Variants in DOK6 observed in about 807,000 individuals in gnomAD.
The protein encoded by DOK6 is downstream of tyrosine kinase 6.
In DOK6, 22 loss-of-function variants were observed where a neutral mutation model predicts 44.0. The observed-to-expected ratio is 0.50, with a 90% CI of 0.36 to 0.71. The LOEUF (loss-of-function observed/expected upper bound fraction) is 0.71. Ranked by LOEUF, DOK6 falls within the 30% of genes least tolerant of loss-of-function variation. DOK6 has a pLI of 0.00. For missense variants in DOK6, 340 were observed against 416.4 expected (o/e 0.82, Z 1.60); for synonymous variants, 166 against 145.5 (o/e 1.14, Z -1.01).
chr18:69,739,120 G>C lies in DOK6; in HGVS notation c.738+17G>C. The stretch of plus-strand genomic sequence containing the variant: ...AAGGCCCGGGTAAGGCCCCTTCCTT[G>C]GTAACCTATCAGCTTGGAAATGAAT... On this transcript the variant is annotated intron_variant, in intron 6 of 7. Transcript: ENST00000382713. 6.2e-7 allele frequency: 1 copy of C among 1,613,138 alleles called. No individual in the cohort carries two copies. The highest frequency in any genetic ancestry group is 8.5e-7 in the Non-Finnish European group (1 of 1,179,440).
intron 3 of DOK6, among the ~76,000 whole-genome samples, chr18:69,603,723 A>G (rs1350854913): frequency 6.9e-6 from 1 of 144,698 alleles, no homozygotes; most frequent in Non-Finnish European, 1.5e-5. Context: ...GTGAGCCGAG[A>G]TCGCGCCACT....
intron 7 of DOK6, among the ~76,000 whole-genome samples, chr18:69,817,259 T>C (rs1023744): frequency 0.12 from 18,196 of 152,172 alleles, 1,113 homozygotes; most frequent in East Asian, 0.17. Context: ...ATTTCAGATA[T>C]GTTTCAACTT....
At chr18:69,691,489 C>T (rs1986267225) in intron 4 of DOK6, among the ~76,000 whole-genome samples, 1 of 152,144 alleles carries the variant, frequency 6.6e-6, no homozygotes, top group Non-Finnish European at 1.5e-5. Context: ...GCTGGTAGAA[C>T]TGTAGAATCA....
rs538131024 is a variant in DOK6, at chr18:69,550,830, C to G, written c.67-13657C>G. Among the ~76,000 whole-genome samples the G allele has an allele frequency of 2.2e-5, 3 of 134,754 alleles. No homozygotes were observed. The Admixed American group carries it at 2.4e-4, about 11-fold the overall frequency. The allele number at this position is 134,754 out of a possible 152,430, so 88.4% of individuals were successfully genotyped here. A position where few individuals can be genotyped will look rare whatever the true frequency, so the allele number is the denominator to read the frequency against. ...AGACGGTCTTACTCCCTCACCCAGT[C>G]TGGAGTGCAGAGGCACGATCTTGGC... On this transcript the variant is annotated intron_variant, in intron 1 of 7. Coordinates refer to ENST00000382713, the MANE Select transcript of DOK6 (RefSeq NM_152721.6).
rs1675810259 is a variant in DOK6, at chr18:69,828,986, T to C, written c.857-12258T>C. The stretch of plus-strand genomic sequence containing the variant: ...TAACATTTGGGTAATAGAATGTTTT[T>C]TAATTCTGTAAATCTCAAAGATGAG... On this transcript the variant is annotated intron_variant, in intron 7 of 7. Coordinates refer to ENST00000382713, the MANE Select transcript of DOK6 (RefSeq NM_152721.6). Among the ~76,000 whole-genome samples the C allele has an allele frequency of 2.0e-5, 3 of 148,742 alleles. No homozygotes were observed. In the Admixed American group the frequency reaches 2.0e-4, roughly 10 times the overall value.
chr18:69,710,747 C>T (rs777676722), intron 5 of DOK6, among the ~76,000 whole-genome samples: 1 of 152,098 alleles, frequency 6.6e-6, no homozygotes, highest in Non-Finnish European at 1.5e-5. Context: ...TAATGTAGTC[C>T]ATCATAAGAT....
At chr18:69,617,666 A>G (rs56173701) in intron 3 of DOK6, among the ~76,000 whole-genome samples, 74,676 of 141,438 alleles carry the variant, frequency 0.53, 20,693 homozygotes, top group South Asian at 0.65. Flanking sequence ...AAGAGCGATA[A>G]GAGAAAAGAA....
chr18:69,619,169 C>T (rs1417898275), intron 3 of DOK6, among the ~76,000 whole-genome samples: 2 of 152,174 alleles, frequency 1.3e-5, no homozygotes, highest in African/African-American at 2.4e-5. Context: ...AGCCTGGGCT[C>T]ACCCCAGAAG....
intron 6 of DOK6, among the ~76,000 whole-genome samples, chr18:69,744,243 G>T (rs992696935): frequency 6.6e-6 from 1 of 151,830 alleles, no homozygotes; most frequent in African/African-American, 2.4e-5. Flanking sequence ...CCGGGAGGCG[G>T]AGGTTGCAGT....
At chr18:69,533,280 T>C (rs569371611) in intron 1 of DOK6, among the ~76,000 whole-genome samples, 1 of 152,282 alleles carries the variant, frequency 6.6e-6, no homozygotes, top group Non-Finnish European at 1.5e-5. Flanking sequence ...CAGTATTAAT[T>C]CAAAATTAGT....
intron 7 of DOK6, among the ~76,000 whole-genome samples, chr18:69,811,161 A>G (rs1232115918): frequency 6.6e-6 from 1 of 152,054 alleles, no homozygotes; most frequent in South Asian, 2.1e-4. Flanking sequence ...TACAACATGG[A>G]TGAACCTGGA....
rs1477171901 is a variant in DOK6, at chr18:69,841,563, CTTTA to C, written c.*187_*190del. The C allele has an allele frequency of 5.6e-6, 4 of 708,712 alleles. No homozygotes were observed. Among genetic ancestry groups the C allele is most frequent in the Non-Finnish European group, 8.6e-6 (4 of 467,024 alleles). 43.9% of individuals were successfully genotyped at this position (708,712 alleles called of 1,614,324 possible). ...GCTTCCTTGATTCAGTGGCTAAGTC[CTTTA>C]TTTATTGAATTTCTTTGGGGGAATC... is the stretch of plus-strand genomic sequence containing the variant. On this transcript the variant is annotated 3_prime_UTR_variant, in exon 8 of 8. Coordinates refer to ENST00000382713, the MANE Select transcript of DOK6 (RefSeq NM_152721.6).
chr18:69,597,585 AT>A (rs1465697887), intron 2 of DOK6, among the ~76,000 whole-genome samples: 1 of 152,196 alleles, frequency 6.6e-6, no homozygotes, highest in African/African-American at 2.4e-5. Context: ...TTGGGGAGCC[AT>A]TTTTAAAAGT....
At chr18:69,650,015 A>G (rs1275287643) in intron 3 of DOK6, among the ~76,000 whole-genome samples, 1 of 152,072 alleles carries the variant, frequency 6.6e-6, no homozygotes, top group Non-Finnish European at 1.5e-5. Context: ...TAGACAGCCA[A>G]AAATCACCAC....
chr18:69,679,127 T>G (rs12607281), intron 4 of DOK6, among the ~76,000 whole-genome samples: 66,279 of 151,972 alleles, frequency 0.44, 15,039 homozygotes, highest in East Asian at 0.74. Context: ...AGTGAGCCAA[T>G]ATTGGGCCAC....
At chr18:69,451,323 A>G (rs1312649305) in intron 1 of DOK6, among the ~76,000 whole-genome samples, 1 of 102,550 alleles carries the variant, frequency 9.8e-6, no homozygotes, top group African/African-American at 3.9e-5. Flanking sequence ...GAAGGCCATT[A>G]CATAATGGTA....
chr18:69,564,682 G>A, intron 2 of DOK6, 88 bp downstream of exon 2: 2 of 1,038,226 alleles, frequency 1.9e-6, no homozygotes, highest in East Asian at 2.7e-5. Flanking sequence ...AATCTTCAGT[G>A]GCAAAAATTA....
At chr18:69,753,851 GAATC>G (rs1217220845) in intron 6 of DOK6, among the ~76,000 whole-genome samples, 3 of 151,550 alleles carry the variant, frequency 2.0e-5, no homozygotes, top group Non-Finnish European at 4.4e-5. Context: ...TCCACTGAAA[GAATC>G]AATACAGCAG....
chr18:69,401,478 C>G (rs1285056619), intron 1 of DOK6, among the ~76,000 whole-genome samples, 168 bp downstream of exon 1: 3 of 151,900 alleles, frequency 2.0e-5, no homozygotes, highest in African/African-American at 7.2e-5. Flanking sequence ...CCACACCTGC[C>G]GGGGGGCTCC....
Sources: gnomAD v4.1 joint callset for allele counts (sites outside exome capture counted in the v4.1 genomes callset) on GRCh38, gnomAD v4.1.1 for gene constraint, MANE v1.5 for transcripts, NCBI Gene and HGNC (gene_info 2026-07-23, HGNC 2026-07-21) for gene names.